Variants in CCDC178 observed in about 807,000 individuals in gnomAD.
CCDC178 encodes coiled-coil domain-containing protein 178.
Under a neutral mutation model 117.4 loss-of-function variants are expected in CCDC178, and 126 were observed. The observed-to-expected ratio is 1.07, with a 90% CI of 0.93 to 1.24. The LOEUF (loss-of-function observed/expected upper bound fraction) is 1.24, where lower values mean the gene tolerates loss of function less well. Among genes scored for constraint, CCDC178 ranks in the 50% most tolerant of loss-of-function variants. The pLI, the probability that CCDC178 is intolerant of heterozygous loss-of-function variation, is 0.00. For synonymous variants in CCDC178, 283 were observed against 313.4 expected, an observed-to-expected ratio of 0.90 and a Z score of 1.02; for missense variants, 1,030 against 986.9, an observed-to-expected ratio of 1.04 and a Z score of -0.59.
At chr18:33,169,689 T>C (rs983379892) in intron 20 of CCDC178, among the ~76,000 whole-genome samples, 1 of 152,142 alleles carries the variant, frequency 6.6e-6, no homozygotes, top group Admixed American at 6.5e-5. Flanking sequence ...TAGATACCAG[T>C]GTGCTGTTTC....
intron 20 of CCDC178, among the ~76,000 whole-genome samples, chr18:33,101,827 G>C (rs2057632575): frequency 6.6e-6 from 1 of 151,920 alleles, no homozygotes; most frequent in Non-Finnish European, 1.5e-5. Flanking sequence ...AGCTTTGAAT[G>C]ATTAAAATAT....
chr18:33,185,402 A>G (rs1372666321), intron 20 of CCDC178, among the ~76,000 whole-genome samples: 1 of 152,098 alleles, frequency 6.6e-6, no homozygotes, highest in Admixed American at 6.6e-5. Flanking sequence ...CATTGCGAAT[A>G]CTGCTTTAAA....
At chr18:33,300,303 A>G (rs188793668) in intron 11 of CCDC178, among the ~76,000 whole-genome samples, 343 of 152,308 alleles carry the variant, frequency 2.3e-3, no homozygotes, top group African/African-American at 8.0e-3. Flanking sequence ...CTTTTTATTT[A>G]CAAATTACCC....
At chr18:33,011,080 A>G (rs146821454) in intron 21 of CCDC178, among the ~76,000 whole-genome samples, 12 of 152,314 alleles carry the variant, frequency 7.9e-5, no homozygotes, top group African/African-American at 2.9e-4. Context: ...GGGAATGAAT[A>G]TCATAACCCT....
chr18:33,239,431 C>A (rs1461511798), intron 15 of CCDC178, among the ~76,000 whole-genome samples: 1 of 150,340 alleles, frequency 6.7e-6, no homozygotes. Context: ...TAAAAAAGAC[C>A]CAACTATATG....
intron 11 of CCDC178, among the ~76,000 whole-genome samples, chr18:33,313,731 C>T (rs967095741): frequency 1.3e-5 from 2 of 152,052 alleles, no homozygotes; most frequent in Admixed American, 1.3e-4. Flanking sequence ...TAATACCCAC[C>T]CTGCATGGGA....
rs1018614534 is a variant in CCDC178 at position 33,217,016 on chromosome 18, T to G, written c.1933-1321A>C. On this transcript the variant is annotated intron_variant, in intron 18 of 22. Transcript: ENST00000383096. ...TTAGTCTTAGCTGAAGAGTCTCCTC[T>G]TCAAAGGAATCTGGTTTTGCATAGT... Among the ~76,000 whole-genome samples the G allele has an allele frequency of 9.2e-5, 14 of 152,164 alleles. 1 individual carries two copies. In the Middle Eastern group the frequency reaches 0.01, roughly 111 times the overall value.
intron 21 of CCDC178, among the ~76,000 whole-genome samples, chr18:33,063,092 G>A (rs1027088899): frequency 2.8e-4 from 43 of 152,148 alleles, no homozygotes; most frequent in Non-Finnish European, 4.9e-4. Flanking sequence ...CAGAGTTCCT[G>A]GAAACCAGCC....
At chr18:33,395,587 G>T (rs554358080) in intron 4 of CCDC178, among the ~76,000 whole-genome samples, 1 of 152,108 alleles carries the variant, frequency 6.6e-6, no homozygotes, top group Admixed American at 6.5e-5. Flanking sequence ...TGCAGATTAG[G>T]TTTTCATCAT....
intron 20 of CCDC178, among the ~76,000 whole-genome samples, chr18:33,148,977 G>A (rs2058308934): frequency 1.3e-5 from 2 of 152,152 alleles, no homozygotes; most frequent in African/African-American, 4.8e-5. Context: ...TCTGTTTCTG[G>A]CCAATGCGCT....
chr18:33,058,518 T>C (rs1333721015), intron 21 of CCDC178, among the ~76,000 whole-genome samples: 1 of 152,140 alleles, frequency 6.6e-6, no homozygotes, highest in African/African-American at 2.4e-5. Flanking sequence ...TCCTAATTGA[T>C]ACATAGCCTC....
At chr18:33,435,145 G>T (rs547466028) in intron 2 of CCDC178, among the ~76,000 whole-genome samples, 2 of 152,168 alleles carry the variant, frequency 1.3e-5, no homozygotes, top group South Asian at 4.1e-4. Flanking sequence ...AACAGCTTTA[G>T]TTTATTCCAC....
intron 12 of CCDC178, among the ~76,000 whole-genome samples, chr18:33,270,587 G>A (rs1270294800): frequency 6.6e-6 from 1 of 151,396 alleles, no homozygotes; most frequent in Non-Finnish European, 1.5e-5. Context: ...TTATATACTA[G>A]CATATACAAA....
intron 21 of CCDC178, among the ~76,000 whole-genome samples, chr18:33,040,962 T>C (rs990194609): frequency 7.2e-5 from 11 of 151,944 alleles, no homozygotes; most frequent in Non-Finnish European, 2.9e-5. Flanking sequence ...TGAATATGCC[T>C]TGTGTTGGAA....
In CCDC178 at chr18:33,347,723, A is replaced by AAT. The variant is rs2062916275; in HGVS notation, c.457+1165_457+1166dup. 2.6e-5 allele frequency among the ~76,000 whole-genome samples: 4 copies of AAT among 152,198 alleles called. No individual in the cohort carries two copies. The South Asian group carries it at 8.3e-4, about 32-fold the overall frequency. ...CTTATAATTAAAATACTTCTGATTGAATATATATGTGTTTTAGCAAAGGTG... is the reference window on the plus strand; with the variant it reads ...CTTATAATTAAAATACTTCTGATTGAATATATATATGTGTTTTAGCAAAGGTG... On this transcript the variant is annotated intron_variant, in intron 8 of 22. Transcript: ENST00000383096.
At chr18:32,973,781 T>G (rs1397051805) in intron 22 of CCDC178, among the ~76,000 whole-genome samples, 7 of 152,128 alleles carry the variant, frequency 4.6e-5, no homozygotes, top group Non-Finnish European at 1.0e-4. Flanking sequence ...AAGTGTGATT[T>G]TATGTTTTTG....
At chr18:33,242,827 C>A (rs1218061731) in intron 15 of CCDC178, among the ~76,000 whole-genome samples, 13 of 151,702 alleles carry the variant, frequency 8.6e-5, no homozygotes, top group Admixed American at 7.3e-4. Flanking sequence ...AGTACAGACA[C>A]TATGGACAGC....
chr18:33,355,807 A>T (rs2063047664), intron 7 of CCDC178, among the ~76,000 whole-genome samples: 1 of 152,168 alleles, frequency 6.6e-6, no homozygotes, highest in South Asian at 2.1e-4. Context: ...CAAAGTCCTT[A>T]TGCTAGTCTT....
chr18:33,351,717 ATTG>A (rs1361969312), intron 7 of CCDC178, among the ~76,000 whole-genome samples: 4 of 151,470 alleles, frequency 2.6e-5, no homozygotes, highest in South Asian at 4.2e-4. Context: ...TCATTTTTTC[ATTG>A]TTGTTGTTTG....
Sources: gnomAD v4.1 joint callset for allele counts (sites outside exome capture counted in the v4.1 genomes callset) on GRCh38, gnomAD v4.1.1 for gene constraint, MANE v1.5 for transcripts, NCBI Gene and HGNC (gene_info 2026-07-23, HGNC 2026-07-21) for gene names.